SLC35F1: variants seen among roughly 807,000 people sequenced by gnomAD.
The protein encoded by SLC35F1 is solute carrier family 35 member F1.
SLC35F1 carries 14 observed loss-of-function variants against 48.7 expected under a neutral mutation model. The ratio of observed to expected loss-of-function variants is 0.29; its 90% CI spans 0.19 to 0.45. SLC35F1 has a LOEUF of 0.45. Among genes scored for constraint, SLC35F1 ranks in the 20% least tolerant of loss-of-function variants. The pLI is 1.00. For missense variants in SLC35F1, 404 were observed against 500.0 expected, an observed-to-expected ratio of 0.81 and a Z score of 1.83; for synonymous variants, 190 against 202.2, an observed-to-expected ratio of 0.94 and a Z score of 0.51.
At chr6:118,261,848 G>A (rs886468828) in intron 3 of SLC35F1, among the ~76,000 whole-genome samples, 1 of 152,088 alleles carries the variant, frequency 6.6e-6, no homozygotes, top group African/African-American at 2.4e-5. Flanking sequence ...CCCCTCTGGG[G>A]CTGGGATGTG....
chr6:118,271,496 GTTCCCCCTAT>G (rs1318903168), intron 4 of SLC35F1, among the ~76,000 whole-genome samples: 2 of 152,104 alleles, frequency 1.3e-5, no homozygotes, highest in Non-Finnish European at 2.9e-5. Context: ...AAGATAGTTG[GTTCCCCCTAT>G]TTGAGAGGCA....
At chr6:118,293,653 T>G (rs915548490) in intron 7 of SLC35F1, among the ~76,000 whole-genome samples, 1 of 152,170 alleles carries the variant, frequency 6.6e-6, no homozygotes, top group Non-Finnish European at 1.5e-5. Context: ...GTATACTGAC[T>G]AGAAGCCAGG....
intron 1 of SLC35F1, among the ~76,000 whole-genome samples, chr6:118,132,261 G>A (rs996795064): frequency 4.6e-5 from 7 of 152,314 alleles, no homozygotes; most frequent in Non-Finnish European, 1.0e-4. Flanking sequence ...TATATGAAGG[G>A]AAAACGAAGT....
rs541009819 is a variant in SLC35F1 at position 118,168,362 on chromosome 6, A to G, written c.349+13742A>G. On this transcript the variant is annotated intron_variant, in intron 2 of 7. Transcript: ENST00000360388. ...CAGCATATAGTAGAGAACCTTATAT[A>G]TATATTATGTTTTTTCCTATACATA... Among the ~76,000 whole-genome samples the G allele has an allele frequency of 1.7e-4, 26 of 152,284 alleles. 1 individual carries two copies. In the South Asian group the frequency reaches 5.2e-3, roughly 30 times the overall value.
At chr6:118,163,428 A>ACT (rs1774269976) in intron 2 of SLC35F1, among the ~76,000 whole-genome samples, 5 of 12,166 alleles carry the variant, frequency 4.1e-4, no homozygotes, top group African/African-American at 2.1e-3. Flanking sequence ...TCACACTCAC[A>ACT]CACACACACA....
At chr6:118,245,230 G>A (rs996296711) in intron 3 of SLC35F1, among the ~76,000 whole-genome samples, 16 of 152,194 alleles carry the variant, frequency 1.1e-4, no homozygotes, top group Non-Finnish European at 1.8e-4. Context: ...CTAAGTAGCA[G>A]TAGGTGGAGG....
intron 2 of SLC35F1, among the ~76,000 whole-genome samples, chr6:118,193,475 T>C (rs1774759792): frequency 6.6e-6 from 1 of 152,142 alleles, no homozygotes; most frequent in Admixed American, 6.5e-5. Context: ...TTCAAACTTT[T>C]AGCTTTATCC....
intron 3 of SLC35F1, among the ~76,000 whole-genome samples, chr6:118,247,767 G>A (rs1775527217): frequency 6.6e-6 from 1 of 151,690 alleles, no homozygotes; most frequent in African/African-American, 2.4e-5. Flanking sequence ...GGTGGATAAG[G>A]TTGGATAGGC....
intron 1 of SLC35F1, among the ~76,000 whole-genome samples, chr6:118,105,188 C>T (rs937699129): frequency 6.6e-6 from 1 of 152,208 alleles, no homozygotes; most frequent in Non-Finnish European, 1.5e-5. Context: ...CAGATACTAT[C>T]CCTCCCTCTC....
chr6:118,046,535 C>T (rs1437035699), intron 1 of SLC35F1, among the ~76,000 whole-genome samples: 1 of 152,108 alleles, frequency 6.6e-6, no homozygotes, highest in South Asian at 2.1e-4. Context: ...TAACACTTCA[C>T]AGCTTTGAGG....
chr6:117,958,740 A>G (rs569616268), intron 1 of SLC35F1, among the ~76,000 whole-genome samples: 1 of 152,276 alleles, frequency 6.6e-6, no homozygotes, highest in South Asian at 2.1e-4. Flanking sequence ...ACAAAGAGGA[A>G]ATTGCCCAGT....
At chr6:117,994,518 T>C (rs1302815638) in intron 1 of SLC35F1, among the ~76,000 whole-genome samples, 1 of 152,210 alleles carries the variant, frequency 6.6e-6, no homozygotes, top group East Asian at 1.9e-4. Context: ...ATTTCCAGAC[T>C]CTTCAAATCC....
intron 1 of SLC35F1, among the ~76,000 whole-genome samples, chr6:118,000,658 T>C (rs1235256400): frequency 6.6e-6 from 1 of 152,230 alleles, no homozygotes; most frequent in African/African-American, 2.4e-5. Context: ...GAAGTCAAAT[T>C]GTCCCTGTTT....
At chr6:117,938,109 C>T (rs1776182494) in intron 1 of SLC35F1, among the ~76,000 whole-genome samples, 1 of 152,148 alleles carries the variant, frequency 6.6e-6, no homozygotes. Context: ...AAAAAATAAA[C>T]TTACGTGTTT....
chr6:118,034,070 A>T (rs1772092932), intron 1 of SLC35F1, among the ~76,000 whole-genome samples: 1 of 152,224 alleles, frequency 6.6e-6, no homozygotes, highest in Admixed American at 6.5e-5. Flanking sequence ...AGATAGTAGA[A>T]TAGTAAAATG....
intron 2 of SLC35F1, among the ~76,000 whole-genome samples, chr6:118,204,900 G>A (rs192774474): frequency 1.4e-4 from 21 of 152,252 alleles, no homozygotes; most frequent in African/African-American, 4.1e-4. Context: ...AGCTCCTTGC[G>A]TGCCAAGAAA....
At chr6:118,306,724 T>TA (rs1228299655) in intron 7 of SLC35F1, among the ~76,000 whole-genome samples, 1 of 152,230 alleles carries the variant, frequency 6.6e-6, no homozygotes, top group Non-Finnish European at 1.5e-5. Flanking sequence ...GCTTGGCTAT[T>TA]ACGGCCTCTC....
chr6:118,240,191 G>A (rs1263781539), intron 3 of SLC35F1, among the ~76,000 whole-genome samples: 2 of 152,226 alleles, frequency 1.3e-5, no homozygotes, highest in Non-Finnish European at 2.9e-5. Flanking sequence ...AAGGAGATAA[G>A]AGACACAGCT....
At chr6:118,202,118 G>A (rs1350917368) in intron 2 of SLC35F1, among the ~76,000 whole-genome samples, 1 of 152,140 alleles carries the variant, frequency 6.6e-6, no homozygotes, top group Non-Finnish European at 1.5e-5. Flanking sequence ...GTTTTCTTGG[G>A]TATATACCTA....
Sources: gnomAD v4.1 joint callset for allele counts (sites outside exome capture counted in the v4.1 genomes callset) on GRCh38, gnomAD v4.1.1 for gene constraint, MANE v1.5 for transcripts, NCBI Gene and HGNC (gene_info 2026-07-23, HGNC 2026-07-21) for gene names.